TXLNG: variants seen among roughly 807,000 people sequenced by gnomAD.
TXLNG encodes the protein taxilin gamma.
In TXLNG, 5 loss-of-function variants were observed where a neutral mutation model predicts 38.8. That is an observed-to-expected ratio of 0.13 (90% CI 0.07 to 0.27). The LOEUF (loss-of-function observed/expected upper bound fraction) is 0.27. Ranked by LOEUF, TXLNG falls within the 10% of genes least tolerant of loss-of-function variation. TXLNG has a pLI of 1.00. For synonymous variants in TXLNG, 182 were observed against 158.2 expected (o/e 1.15, Z -1.13); for missense variants, 393 against 398.2 (o/e 0.99, Z 0.11).
At chrX:16,827,809 T>TA (rs1180609831) in intron 3 of TXLNG, among the ~76,000 whole-genome samples, 1 of 111,946 alleles carries the variant, frequency 8.9e-6, no homozygotes, top group Non-Finnish European at 1.9e-5. Context: ...AAAACCTGGA[T>TA]AATAAAGGGT....
intron 9 of TXLNG, among the ~76,000 whole-genome samples, chrX:16,840,751 G>A (rs938527947): frequency 1.4e-4 from 15 of 110,561 alleles, no homozygotes; most frequent in African/African-American, 4.3e-4. Flanking sequence ...CAGCCCGGGC[G>A]ACAGAGCGAG....
intron 5 of TXLNG, among the ~76,000 whole-genome samples, chrX:16,830,182 AT>A (rs34247026): frequency 3.1e-4 from 32 of 101,723 alleles, no homozygotes; most frequent in African/African-American, 3.9e-4. Context: ...AATGTTTCAG[AT>A]TTTTTTTTTT....
rs1324384506 is a variant in TXLNG, at chrX:16,843,792, T to G, written c.*2026T>G. The G allele has an allele frequency of 8.9e-6, 1 of 111,995 alleles. No individual in the cohort carries two copies. The highest frequency in any genetic ancestry group is 2.8e-4 in the East Asian group (1 of 3,590). 9.2% of individuals were successfully genotyped at this position (111,995 alleles called of 1,213,427 possible). A position where few individuals can be genotyped will look rare whatever the true frequency, so the allele number is the denominator to read the frequency against. ...GGCCTGCTGCTTTTGGCTTACTTTG[T>G]ATTTTTAGCTAGATGCTATTATAGT... On this transcript the variant is annotated 3_prime_UTR_variant, in exon 10 of 10. Coordinates refer to ENST00000380122, the MANE Select transcript of TXLNG (RefSeq NM_018360.3).
intron 3 of TXLNG, among the ~76,000 whole-genome samples, chrX:16,820,793 G>T (rs986824211): frequency 8.9e-6 from 1 of 111,931 alleles, no homozygotes; most frequent in African/African-American, 3.2e-5. Context: ...TTTTTGAGAC[G>T]GAGTCTCGCC....
At position 16,842,674 on chromosome X, in the gene TXLNG, T is replaced by C. The variant is rs1387579779; in HGVS notation, c.*908T>C. 1 of 112,585 alleles carries C rather than the reference T, an allele frequency of 8.9e-6. No individual in the cohort carries two copies. The highest frequency in any genetic ancestry group is 1.9e-5 in the Non-Finnish European group (1 of 53,339). The allele number at this position is 112,585 out of a possible 1,213,427, so 9.3% of individuals were successfully genotyped here. A position where few individuals can be genotyped will look rare whatever the true frequency, so the allele number is the denominator to read the frequency against. On this transcript the variant is annotated 3_prime_UTR_variant, in exon 10 of 10. Transcript: ENST00000380122. ...TTTCACTAGGCAGAAGTTTCTCCAA[T>C]ACCTTCTGGCTACTTGAAAGTTACT...
At chrX:16,800,096 C>T (rs1165456554) in intron 1 of TXLNG, among the ~76,000 whole-genome samples, 1 of 109,268 alleles carries the variant, frequency 9.2e-6, no homozygotes, top group Non-Finnish European at 1.9e-5. Context: ...TCTACCACCA[C>T]GCCCGGCTAA....
intron 1 of TXLNG, among the ~76,000 whole-genome samples, chrX:16,806,945 G>A (rs7059203): frequency 0.49 from 48,952 of 99,817 alleles, 10,265 homozygotes; most frequent in Non-Finnish European, 0.58. Flanking sequence ...AAAATTAGGC[G>A]TGGTGGCACA....
In TXLNG at chrX:16,844,427, CAA is replaced by C. The variant is rs938466527; in HGVS notation, c.*2663_*2664del. The C allele has an allele frequency of 8.9e-6, 1 of 112,072 alleles. No individual in the cohort carries two copies. Among genetic ancestry groups the C allele is most frequent in the Non-Finnish European group, 1.9e-5 (1 of 53,240 alleles). The allele number at this position is 112,072 out of a possible 1,213,427, so 9.2% of individuals were successfully genotyped here. A position where few individuals can be genotyped will look rare whatever the true frequency, so the allele number is the denominator to read the frequency against. On this transcript the variant is annotated 3_prime_UTR_variant, in exon 10 of 10. Transcript: ENST00000380122. ...TAAGAGGCAGTCTCGTTTTGCTTTT[CAA>C]AGACATTTTGTAGAGATTTTTCACT...
intron 6 of TXLNG, 27 bp downstream of exon 6, chrX:16,832,769 A>AC: frequency 3.4e-6 from 4 of 1,166,433 alleles, no homozygotes; most frequent in Non-Finnish European, 4.6e-6. Flanking sequence ...AAAAACAAAG[A>AC]CATTATTGCC....
intron 1 of TXLNG, among the ~76,000 whole-genome samples, chrX:16,817,569 A>G (rs1220156516): frequency 8.9e-6 from 1 of 111,820 alleles, no homozygotes; most frequent in African/African-American, 3.3e-5. Context: ...TCCTCACCTC[A>G]ACAGTATTAT....
chrX:16,801,251 T>A (rs1235290251), intron 1 of TXLNG, among the ~76,000 whole-genome samples: 2 of 111,628 alleles, frequency 1.8e-5, no homozygotes, highest in Non-Finnish European at 3.8e-5. Context: ...AGTGGTGTGA[T>A]CTCAGCTCAC....
At chrX:16,811,653 T>A (rs1454620055) in intron 1 of TXLNG, among the ~76,000 whole-genome samples, 1 of 108,558 alleles carries the variant, frequency 9.2e-6, no homozygotes, top group Non-Finnish European at 1.9e-5. Context: ...CGGCTTTTTT[T>A]TTTTTTTGAG....
rs780127321 is a variant in TXLNG, at chrX:16,841,582, C to T, written c.1403C>T (p.Ala468Val). The T allele has an allele frequency of 8.3e-6, 10 of 1,209,674 alleles. No homozygotes were observed. Among genetic ancestry groups the T allele is most frequent in the South Asian group, 5.3e-5 (3 of 56,815 alleles). Residue 468 changes from alanine (A) to valine (V), a missense_variant, in exon 10 of 10, where the codon GCG becomes GTG. Ala to Val is a moderately conservative substitution (Grantham distance 64, BLOSUM62 0). Transcript: ENST00000380122. ...TCCATCAAAGCGGCCATCAAAGCGG[C>T]GAACAGGGATTTAGCAACACCTGTG... ...QVSIKAAIKA[A>V]NRDLATPVMQ...
In TXLNG at chrX:16,829,715, T is replaced by C. The variant is rs1273179360; in HGVS notation, c.809T>C (p.Ile270Thr). 9 of 1,210,126 alleles carry C rather than the reference T, an allele frequency of 7.4e-6. No individual in the cohort carries two copies. The highest frequency in any genetic ancestry group is 1.8e-5 in the South Asian group (1 of 56,836). The change falls in exon 5 of 10, where the codon ATT becomes ACT. Residue 270 changes from isoleucine to threonine, a missense_variant. Coordinates refer to ENST00000380122, the MANE Select transcript of TXLNG (RefSeq NM_018360.3). ...IHNAKLRQEN[I>T]ELGEKLKKLI... ...AACGCCAAACTCCGACAGGAAAACA[T>C]TGAGCTGGGGGAGAAGCTAAAGAAG...
chrX:16,816,166 T>A (rs1451136172), intron 1 of TXLNG, among the ~76,000 whole-genome samples: 2 of 110,045 alleles, frequency 1.8e-5, no homozygotes, highest in Non-Finnish European at 3.8e-5. Context: ...CAGCTAATTT[T>A]TGTATTTTTA....
chrX:16,830,293 GATCCATGGCTA>G (rs1264054558), intron 5 of TXLNG, among the ~76,000 whole-genome samples: 6 of 108,232 alleles, frequency 5.5e-5, no homozygotes, highest in Non-Finnish European at 1.2e-4. Flanking sequence ...TTACTGGGAA[GATCCATGGCTA>G]ATGAACTTGG....
At chrX:16,833,700 T>A (rs1929495247) in intron 6 of TXLNG, among the ~76,000 whole-genome samples, 1 of 112,015 alleles carries the variant, frequency 8.9e-6, no homozygotes, top group Non-Finnish European at 1.9e-5. Context: ...TTTTCTAGGC[T>A]TCTTTGGACT....
intron 8 of TXLNG, 74 bp from the exon 9 acceptor site, chrX:16,839,747 A>G: frequency 1.3e-6 from 1 of 775,943 alleles, no homozygotes; most frequent in Non-Finnish European, 1.9e-6. Flanking sequence ...GCACAGAAAC[A>G]TTTTTGTGTA....
At chrX:16,787,816 C>A (rs1927551478) in intron 1 of TXLNG, among the ~76,000 whole-genome samples, 1 of 112,010 alleles carries the variant, frequency 8.9e-6, no homozygotes, top group African/African-American at 3.2e-5. Context: ...CTCTTAACTC[C>A]TGTATGAAAT....
Sources: allele counts gnomAD v4.1 joint callset (sites outside exome capture counted in the v4.1 genomes callset), GRCh38; gene constraint gnomAD v4.1.1; transcripts MANE v1.5; gene names NCBI Gene and HGNC (gene_info 2026-07-23, HGNC 2026-07-21).